The following STRN variants were observed in gnomAD, a reference collection of about 807,000 sequenced individuals.
STRN encodes striatin, also known as protein phosphatase 2 regulatory subunit B'''alpha.
A neutral mutation model predicts 96.3 loss-of-function variants in STRN; 53 were observed. The observed-to-expected ratio is 0.55, with a 90% CI of 0.44 to 0.69. The LOEUF (loss-of-function observed/expected upper bound fraction) is 0.69. Among genes scored for constraint, STRN ranks in the 30% least tolerant of loss-of-function variants. The pLI is 0.00. For missense variants in STRN, 987 were observed against 963.9 expected, an observed-to-expected ratio of 1.02 and a Z score of -0.32; for synonymous variants, 428 against 355.9, an observed-to-expected ratio of 1.20 and a Z score of -2.28.
chr2:36,939,436 T>C (rs1335393327), intron 1 of STRN, among the ~76,000 whole-genome samples: 1 of 152,204 alleles, frequency 6.6e-6, no homozygotes, highest in Non-Finnish European at 1.5e-5. Flanking sequence ...TATACCTATC[T>C]TATTCGCATT....
In STRN at chr2:36,849,477, T is replaced by A. The variant is rs778129546; in HGVS notation, c.2322A>T (p.Ala774=). ...KCYIASAGAD[A]LAKVFV is the part of the protein sequence containing the mutation. ...TGCGTCATACAAAGACTTTAGCCAG[T>A]GCGTCAGCTCCAGCACTGGCTATAT... The change falls in exon 18 of 18, where the codon GCA becomes GCT. Residue 774 remains alanine, a synonymous_variant. Transcript: ENST00000263918. The A allele has an allele frequency of 1.9e-6, 3 of 1,614,130 alleles. No homozygotes were observed. The South Asian group carries it at 3.3e-5, about 18-fold the overall frequency.
intron 10 of STRN, among the ~76,000 whole-genome samples, chr2:36,870,488 G>A (rs1270154891): frequency 2.0e-5 from 3 of 152,086 alleles, no homozygotes; most frequent in Admixed American, 1.3e-4. Flanking sequence ...TTTGGTCAAC[G>A]ATGGACCACA....
At chr2:36,853,585 C>A (rs527721055) in intron 15 of STRN, among the ~76,000 whole-genome samples, 16 of 152,364 alleles carry the variant, frequency 1.1e-4, no homozygotes, top group African/African-American at 3.6e-4. Flanking sequence ...TGTGACGTAT[C>A]TGCTTCAACT....
intron 2 of STRN, among the ~76,000 whole-genome samples, chr2:36,922,518 CAAAAAAAAA>C (rs749446955): frequency 3.3e-5 from 3 of 91,162 alleles, no homozygotes; most frequent in Non-Finnish European, 4.3e-5. Flanking sequence ...GACCCTGTCT[CAAAAAAAAA>C]AAAAAAAAAA....
chr2:36,933,085 CAT>C (rs398090259), intron 1 of STRN, among the ~76,000 whole-genome samples: 4,547 of 150,796 alleles, frequency 0.03, 87 homozygotes, highest in East Asian at 0.11. Flanking sequence ...CACACACACA[CAT>C]ATATATGCAG....
At chr2:36,905,776 T>C (rs1456598031) in intron 3 of STRN, among the ~76,000 whole-genome samples, 158 bp from the exon 4 acceptor site, 19 of 152,226 alleles carry the variant, frequency 1.2e-4, no homozygotes, top group Admixed American at 1.2e-3. Context: ...GTTTTTTAAC[T>C]GTAATTTCTA....
At chr2:36,856,601 C>T (rs1320733187) in intron 14 of STRN, among the ~76,000 whole-genome samples, 1 of 152,086 alleles carries the variant, frequency 6.6e-6, no homozygotes, top group Non-Finnish European at 1.5e-5. Flanking sequence ...TGAAAGAAAT[C>T]ACAACAGTGG....
At position 36,861,261 on chromosome 2, in the gene STRN, A is replaced by G. The variant is rs1264410208; in HGVS notation, c.1548-8T>C. 1.2e-6 allele frequency: 2 copies of G among 1,606,704 alleles called. No homozygotes were observed. Among genetic ancestry groups the G allele is most frequent in the Non-Finnish European group, 1.7e-6 (2 of 1,177,974 alleles). On this transcript the variant is annotated splice_polypyrimidine_tract_variant and splice_region_variant and intron_variant, in intron 12 of 17. Transcript: ENST00000263918. ...ACACAAAGCACTGGACCTCTGGGAGATTAAAAAAAATAAATCAACTGCTAT... is the reference window on the plus strand; with the variant it reads ...ACACAAAGCACTGGACCTCTGGGAGGTTAAAAAAAATAAATCAACTGCTAT...
In STRN at chr2:36,840,036, G is replaced by C. The variant is rs1667914384; in HGVS notation, c.*9420C>G. 6.6e-6 allele frequency: 1 copy of C among 152,174 alleles called. No individual in the cohort carries two copies. The allele number at this position is 152,174 out of a possible 1,614,324, so 9.4% of individuals were successfully genotyped here. A position where few individuals can be genotyped will look rare whatever the true frequency, so the allele number is the denominator to read the frequency against. On this transcript the variant is annotated 3_prime_UTR_variant, in exon 18 of 18. Transcript: ENST00000263918. ...AAAACCAGCCTGAGAGCATCCTGAGGAACTTTGTCCCAGAATTTTCCTCTC... is the reference window on the plus strand; with the variant it reads ...AAAACCAGCCTGAGAGCATCCTGAGCAACTTTGTCCCAGAATTTTCCTCTC...
intron 1 of STRN, among the ~76,000 whole-genome samples, chr2:36,934,911 C>G (rs1670664959): frequency 6.6e-6 from 1 of 152,146 alleles, no homozygotes; most frequent in Non-Finnish European, 1.5e-5. Flanking sequence ...AACCCCGTCT[C>G]TACTGAAAAT....
chr2:36,862,568 T>C (rs569485823), intron 12 of STRN, among the ~76,000 whole-genome samples: 3 of 152,086 alleles, frequency 2.0e-5, no homozygotes, highest in Non-Finnish European at 4.4e-5. Flanking sequence ...TATCTGTTCA[T>C]GTTCTTTGCC....
chr2:36,844,877 C>A lies in STRN; in HGVS notation c.*4579G>T, dbSNP rs1006009952. On this transcript the variant is annotated 3_prime_UTR_variant, in exon 18 of 18. Transcript: ENST00000263918. ...TTAAACACAGATACGTTTTTCTGGG[C>A]CTTTCTCTAAAATGAACTTTAGGGC... The A allele has an allele frequency of 6.6e-6, 1 of 151,982 alleles. No individual in the cohort carries two copies. The highest frequency in any genetic ancestry group is 1.5e-5 in the Non-Finnish European group (1 of 67,992). 9.4% of individuals were successfully genotyped at this position (151,982 alleles called of 1,614,324 possible).
Position 36,907,512 on chromosome 2 carries a change from C to T in STRN, c.413-1894G>A, listed in dbSNP as rs531162775. On this transcript the variant is annotated intron_variant, in intron 3 of 17. Coordinates refer to ENST00000263918, the MANE Select transcript of STRN (RefSeq NM_003162.4). ...GCAGTGAGCCGAGATGATGCCACTG[C>T]ACTCCAGCGTGGGTGACAGAGCAAG... Among the ~76,000 whole-genome samples the T allele has an allele frequency of 2.2e-4, 33 of 151,966 alleles. No individual in the cohort carries two copies. The South Asian group carries it at 2.5e-3, about 11-fold the overall frequency.
At chr2:36,958,569 G>A (rs1013357191) in intron 1 of STRN, among the ~76,000 whole-genome samples, 3 of 152,266 alleles carry the variant, frequency 2.0e-5, no homozygotes, top group Admixed American at 1.3e-4. Flanking sequence ...AATTAATGGA[G>A]TGGAAGATAT....
At chr2:36,940,103 A>G (rs1378234402) in intron 1 of STRN, among the ~76,000 whole-genome samples, 1 of 152,244 alleles carries the variant, frequency 6.6e-6, no homozygotes, top group African/African-American at 2.4e-5. Flanking sequence ...AGTACTTTTT[A>G]CATTCTTGTA....
rs1436932092 is a variant in STRN at position 36,841,244 on chromosome 2, A to G, written c.*8212T>C. On this transcript the variant is annotated 3_prime_UTR_variant, in exon 18 of 18. Transcript: ENST00000263918. Reference sequence around the variant, plus strand: ...TTGTTAAAAGGCTGACCAAAAAGAAAGTAAGTCTGAATGTTTCAGAGTTGG... The same window carrying G: ...TTGTTAAAAGGCTGACCAAAAAGAAGGTAAGTCTGAATGTTTCAGAGTTGG... 1 of 152,066 alleles carries G rather than the reference A, an allele frequency of 6.6e-6. No homozygotes were observed. Among genetic ancestry groups the G allele is most frequent in the Non-Finnish European group, 1.5e-5 (1 of 68,012 alleles). The allele number at this position is 152,066 out of a possible 1,614,324, so 9.4% of individuals were successfully genotyped here. A position where few individuals can be genotyped will look rare whatever the true frequency, so the allele number is the denominator to read the frequency against.
intron 9 of STRN, among the ~76,000 whole-genome samples, chr2:36,880,117 G>A (rs1347154730): frequency 6.6e-6 from 1 of 152,140 alleles, no homozygotes; most frequent in Non-Finnish European, 1.5e-5. Context: ...ACAGGCACCT[G>A]CCACCATGCC....
intron 6 of STRN, among the ~76,000 whole-genome samples, 176 bp from the exon 7 acceptor site, chr2:36,894,209 A>G (rs899651701): frequency 4.6e-5 from 7 of 152,242 alleles, no homozygotes; most frequent in African/African-American, 1.7e-4. Context: ...ATTTTAAAGC[A>G]GTAATTTAAA....
rs1668073016 is a variant in STRN at position 36,846,356 on chromosome 2, A to G, written c.*3100T>C. 1 of 138,210 alleles carries G rather than the reference A, an allele frequency of 7.2e-6. No homozygotes were observed. Among genetic ancestry groups the G allele is most frequent in the African/African-American group, 2.7e-5 (1 of 36,368 alleles). The allele number at this position is 138,210 out of a possible 1,614,324, so 8.6% of individuals were successfully genotyped here. Reference sequence around the variant, plus strand: ...GCTGTGTATACTACCTCCAAAAATGAAAATACAAAACAGTAAAATGCACCT... The same window carrying G: ...GCTGTGTATACTACCTCCAAAAATGGAAATACAAAACAGTAAAATGCACCT... On this transcript the variant is annotated 3_prime_UTR_variant, in exon 18 of 18. Coordinates refer to ENST00000263918, the MANE Select transcript of STRN (RefSeq NM_003162.4).
Sources: gnomAD v4.1 joint callset for allele counts (sites outside exome capture counted in the v4.1 genomes callset) on GRCh38, gnomAD v4.1.1 for gene constraint, MANE v1.5 for transcripts, NCBI Gene and HGNC (gene_info 2026-07-23, HGNC 2026-07-21) for gene names.